ZNF514: variants seen among roughly 807,000 people sequenced by gnomAD.
ZNF514 encodes zinc finger protein 514.
Under a neutral mutation model 9.7 loss-of-function variants are expected in ZNF514, and 12 were observed. The ratio of observed to expected loss-of-function variants is 1.24; its 90% CI spans 0.79 to 2.01. The LOEUF (loss-of-function observed/expected upper bound fraction) is 2.01, where lower values mean the gene tolerates loss of function less well. Ranked by LOEUF, ZNF514 falls within the 30% of genes most tolerant of loss-of-function variation. The pLI is 0.00. For synonymous variants in ZNF514, 158 were observed against 163.7 expected, an observed-to-expected ratio of 0.97 and a Z score of 0.27; for missense variants, 467 against 465.5, an observed-to-expected ratio of 1.00 and a Z score of -0.03.
downstream of ZNF514, among the ~76,000 whole-genome samples, chr2:95,143,738 T>C (rs1489232443): frequency 6.6e-6 from 1 of 152,230 alleles, no homozygotes; most frequent in Admixed American, 6.5e-5. Context: ...TTACTATTCA[T>C]GGTGGGCCAC....
the ZNF514 span, among the ~76,000 whole-genome samples, chr2:95,128,127 TCACGC>T: frequency 1.3e-5 from 2 of 151,968 alleles, no homozygotes; most frequent in African/African-American, 4.8e-5. Flanking sequence ...GCGTGATGGC[TCACGC>T]CTGTAATCCC....
At chr2:95,153,785 T>C (rs1573380312) in intron 2 of ZNF514, 1 of 152,586 alleles carries the variant, frequency 6.6e-6, no homozygotes, top group East Asian at 1.9e-4. Context: ...ATAATTATTC[T>C]ACAGGTCCTG....
Position 95,149,507 on chromosome 2 carries a change from G to A in ZNF514, c.978C>T (p.Ser326=). 1 of 1,613,816 alleles carries A rather than the reference G, an allele frequency of 6.2e-7. No individual in the cohort carries two copies. The highest frequency in any genetic ancestry group is 8.5e-7 in the Non-Finnish European group (1 of 1,179,988). Residue 326 remains serine, a synonymous_variant, in exon 5 of 5, where the codon AGC becomes AGT. Coordinates refer to ENST00000295208, the MANE Select transcript of ZNF514 (RefSeq NM_032788.3). ...YECRECGRTF[S]QSSSLIVHYR... is the part of the protein sequence containing the mutation. ...AATGCACAATGAGTGATGAGCTCTG[G>A]CTGAAGGTTCTCCCACATTCCCGGC...
chr2:95,150,190 A>G lies in ZNF514; in HGVS notation c.295T>C (p.Ser99Pro). The G allele has an allele frequency of 6.2e-7, 1 of 1,608,114 alleles. No individual in the cohort carries two copies. Among genetic ancestry groups the G allele is most frequent in the Non-Finnish European group, 8.5e-7 (1 of 1,179,758 alleles). Residue 99 changes from serine (S) to proline (P), a missense_variant, in exon 5 of 5, where the codon TCA becomes CCA. Transcript: ENST00000295208. ...ACATCTTGAATGTGTTTTTCCACTG[A>G]TACTACCTGGAATAATTCTTCTTTG... ...ISKEELFQVV[S>P]VEKHIQDVLQ...
chr2:95,131,656 C>T, the ZNF514 span, among the ~76,000 whole-genome samples: 1 of 152,192 alleles, frequency 6.6e-6, no homozygotes, highest in Non-Finnish European at 1.5e-5. Context: ...CAATGCCCAA[C>T]TTATTTTTTT....
chr2:95,128,712 AAAG>A, the ZNF514 span, among the ~76,000 whole-genome samples: 27 of 150,754 alleles, frequency 1.8e-4, no homozygotes, highest in East Asian at 3.3e-3. Flanking sequence ...GAAGAAGGAG[AAAG>A]AAGGAGGAGG....
At chr2:95,123,664 A>G in the ZNF514 span, among the ~76,000 whole-genome samples, 1 of 152,240 alleles carries the variant, frequency 6.6e-6, no homozygotes, top group Non-Finnish European at 1.5e-5. Context: ...TTGCATGTTC[A>G]GGTCCTGCTC....
chr2:95,143,559 C>T (rs1257079798), downstream of ZNF514, among the ~76,000 whole-genome samples: 5 of 152,178 alleles, frequency 3.3e-5, no homozygotes, highest in Non-Finnish European at 5.9e-5. Context: ...GCAGAAGTTA[C>T]AGTGTGCCAA....
the ZNF514 span, among the ~76,000 whole-genome samples, chr2:95,137,817 G>A: frequency 2.0e-5 from 3 of 152,180 alleles, no homozygotes; most frequent in African/African-American, 4.8e-5. Context: ...TAATAGTTTG[G>A]ATATTTGTCC....
chr2:95,136,581 AC>A, the ZNF514 span, among the ~76,000 whole-genome samples: 1 of 150,176 alleles, frequency 6.7e-6, no homozygotes, highest in South Asian at 2.1e-4. Flanking sequence ...TCTGTTCACC[AC>A]TGCAGCACTC....
At chr2:95,126,607 T>C in the ZNF514 span, among the ~76,000 whole-genome samples, 3 of 152,112 alleles carry the variant, frequency 2.0e-5, no homozygotes, top group Non-Finnish European at 4.4e-5. Context: ...CCCTAATAGC[T>C]AATGATGTTG....
downstream of ZNF514, among the ~76,000 whole-genome samples, chr2:95,141,913 C>A (rs974885885): frequency 1.3e-5 from 2 of 152,156 alleles, no homozygotes; most frequent in African/African-American, 4.8e-5. Context: ...TAATTCAAGA[C>A]CCTCAGAATA....
At chr2:95,158,355 A>T (rs1307735283) in intron 1 of ZNF514, among the ~76,000 whole-genome samples, 1 of 152,198 alleles carries the variant, frequency 6.6e-6, no homozygotes, top group African/African-American at 2.4e-5. Flanking sequence ...GTCCTTGAGC[A>T]TGTGCACTGA....
rs1365146653 is a variant in ZNF514 at position 95,149,990 on chromosome 2, G to A, written c.495C>T (p.Val165=). The change falls in exon 5 of 5, where the codon GTC becomes GTT. Residue 165 remains valine, a synonymous_variant. Transcript: ENST00000295208. ...TGAGAATGCTGTGTTGGTTAACAAGGACTGATCTTAAACCTAAGCTTCTCC... is the reference window on the plus strand; with the variant it reads ...TGAGAATGCTGTGTTGGTTAACAAGAACTGATCTTAAACCTAAGCTTCTCC... ...GFGRSLGLRS[V]LVNQHSILMG... 3 of 1,614,046 alleles carry A rather than the reference G, an allele frequency of 1.9e-6. No individual in the cohort carries two copies. The highest frequency in any genetic ancestry group is 1.6e-4 in the Middle Eastern group (1 of 6,084).
the ZNF514 span, among the ~76,000 whole-genome samples, chr2:95,137,891 C>T: frequency 6.6e-6 from 1 of 152,146 alleles, no homozygotes; most frequent in African/African-American, 2.4e-5. Flanking sequence ...TGGGAGGTGA[C>T]TGGATCATGG....
the ZNF514 span, among the ~76,000 whole-genome samples, chr2:95,136,696 T>C: frequency 6.6e-6 from 1 of 151,804 alleles, no homozygotes; most frequent in African/African-American, 2.4e-5. Context: ...GTACCTCAGA[T>C]CCATCAGAGA....
chr2:95,125,631 T>C, the ZNF514 span, among the ~76,000 whole-genome samples: 1 of 152,248 alleles, frequency 6.6e-6, no homozygotes, highest in Non-Finnish European at 1.5e-5. Context: ...AGAAGTCTTT[T>C]ATCTTTCAAA....
chr2:95,153,864 C>T (rs1348652135), intron 2 of ZNF514: 1 of 152,182 alleles, frequency 6.6e-6, no homozygotes, highest in Non-Finnish European at 1.5e-5. Flanking sequence ...TATTGTATGG[C>T]AATCCACTAA....
intron 1 of ZNF514, chr2:95,158,874 C>T: frequency 3.9e-6 from 5 of 1,289,688 alleles, no homozygotes; most frequent in South Asian, 2.5e-5. Flanking sequence ...CAGTGGGATT[C>T]CCCGGCCTCT....
Sources: allele counts gnomAD v4.1 joint callset (sites outside exome capture counted in the v4.1 genomes callset), GRCh38; gene constraint gnomAD v4.1.1; transcripts MANE v1.5; gene names NCBI Gene and HGNC (gene_info 2026-07-23, HGNC 2026-07-21).